The following RNF216 variants were observed in gnomAD, a reference collection of about 807,000 sequenced individuals.
The protein encoded by RNF216 is ring finger protein 216, also known as E3 ubiquitin-protein ligase RNF216.
RNF216 carries 72 observed loss-of-function variants against 110.8 expected under a neutral mutation model. That is an observed-to-expected ratio of 0.65 (90% CI 0.54 to 0.79). The LOEUF (loss-of-function observed/expected upper bound fraction) is 0.79. Among genes scored for constraint, RNF216 ranks in the 30% least tolerant of loss-of-function variants. The pLI is 0.00. For missense variants in RNF216, 1,342 were observed against 1,141.2 expected, an observed-to-expected ratio of 1.18 and a Z score of -2.54; for synonymous variants, 495 against 407.5, an observed-to-expected ratio of 1.21 and a Z score of -2.59.
intron 13 of RNF216, among the ~76,000 whole-genome samples, chr7:5,669,931 CTT>C (rs546531281): frequency 9.1e-5 from 13 of 143,266 alleles, no homozygotes; most frequent in Non-Finnish European, 1.1e-4. Flanking sequence ...TTTGGAAATC[CTT>C]TTTTTTTTTT....
intron 3 of RNF216, among the ~76,000 whole-genome samples, chr7:5,742,697 G>C (rs1024072197): frequency 2.1e-5 from 3 of 141,502 alleles, no homozygotes; most frequent in East Asian, 2.2e-4. Context: ...CCAGGTTCAA[G>C]CAATTATCCT....
intron 13 of RNF216, among the ~76,000 whole-genome samples, chr7:5,655,459 G>C (rs1028201130): frequency 6.6e-6 from 1 of 152,116 alleles, no homozygotes; most frequent in African/African-American, 2.4e-5. Context: ...TTAGCTGGAC[G>C]TGGTGGCAAA....
At chr7:5,776,878 G>C (rs1796809396) in intron 1 of RNF216, among the ~76,000 whole-genome samples, 1 of 133,328 alleles carries the variant, frequency 7.5e-6, no homozygotes, top group African/African-American at 2.8e-5. Context: ...TCCAGCCTGT[G>C]CGACAGAGGG....
intron 14 of RNF216, among the ~76,000 whole-genome samples, chr7:5,646,864 G>A (rs1788080847): frequency 6.6e-6 from 1 of 152,084 alleles, no homozygotes; most frequent in South Asian, 2.1e-4. Context: ...ACTCAGCCAG[G>A]TCATCTGTAA....
chr7:5,731,640 G>T (rs966358540), intron 5 of RNF216, among the ~76,000 whole-genome samples: 1 of 151,360 alleles, frequency 6.6e-6, no homozygotes, highest in Non-Finnish European at 1.5e-5. Flanking sequence ...ACATTCAGTA[G>T]CAAGGAAGCT....
chr7:5,761,801 G>A (rs62455875), intron 1 of RNF216, among the ~76,000 whole-genome samples: 3 of 151,680 alleles, frequency 2.0e-5, no homozygotes. Flanking sequence ...AAAAAAAAAG[G>A]AATTATGTTT....
At chr7:5,778,998 C>T (rs1225734114) in intron 1 of RNF216, among the ~76,000 whole-genome samples, 1 of 152,364 alleles carries the variant, frequency 6.6e-6, no homozygotes, top group Non-Finnish European at 1.5e-5. Flanking sequence ...CCCGCCTCGG[C>T]CTCCCAAAGT....
At chr7:5,711,292 CAAAT>C (rs1304631711) in intron 13 of RNF216, among the ~76,000 whole-genome samples, 1 of 152,168 alleles carries the variant, frequency 6.6e-6, no homozygotes, top group African/African-American at 2.4e-5. Flanking sequence ...GAGAAACAGT[CAAAT>C]AAATAACCTA....
rs1786574492 is a variant in RNF216 at position 5,624,292 on chromosome 7, G to A, written c.2383-167C>T. Among the ~76,000 whole-genome samples the A allele has an allele frequency of 6.6e-6, 1 of 152,220 alleles. No homozygotes were observed. Among genetic ancestry groups the A allele is most frequent in the South Asian group, 2.1e-4 (1 of 4,836 alleles). The stretch of plus-strand genomic sequence containing the variant: ...CACCGTTCCTTCCTATTTCCCCGAA[G>A]GCCTCCTTCCTTCATCAGCCTGATG... On this transcript the variant is annotated intron_variant, in intron 15 of 16. Coordinates refer to ENST00000389902, the MANE Select transcript of RNF216 (RefSeq NM_207111.4). The surrounding 1 kb of genome is among the most constrained non-coding windows in gnomAD (Gnocchi z 4.4).
At chr7:5,648,014 T>C (rs374418266) in intron 14 of RNF216, among the ~76,000 whole-genome samples, 1 of 152,242 alleles carries the variant, frequency 6.6e-6, no homozygotes, top group East Asian at 1.9e-4. Flanking sequence ...ACTGCATAGC[T>C]CTGGGTGTTT....
At chr7:5,691,701 T>A (rs1791351541) in intron 13 of RNF216, among the ~76,000 whole-genome samples, 1 of 152,262 alleles carries the variant, frequency 6.6e-6, no homozygotes, top group South Asian at 2.1e-4. Context: ...CACATGGTTC[T>A]GGCCACCCGG....
Position 5,631,668 on chromosome 7 carries a change from T to TA in RNF216, c.2383-7544dup, listed in dbSNP as rs59152032. Among the ~76,000 whole-genome samples, 138 of 147,178 alleles carry TA rather than the reference T, an allele frequency of 9.4e-4. 1 individual carries two copies. In the Middle Eastern group the frequency reaches 0.011, roughly 12 times the overall value. On this transcript the variant is annotated intron_variant, in intron 15 of 16. Coordinates refer to ENST00000389902, the MANE Select transcript of RNF216 (RefSeq NM_207111.4). ...CTCAGGGATTTGGTTCTCATCAACA[T>TA]AAAAAAAAAAATGCCATTATTTCTT...
At chr7:5,716,856 G>C in intron 9 of RNF216, 90 bp from the exon 10 acceptor site, 1 of 997,418 alleles carries the variant, frequency 1.0e-6, no homozygotes, top group Non-Finnish European at 1.5e-6. Flanking sequence ...CATAACTCCA[G>C]TATTGCGATC....
chr7:5,726,750 T>G (rs777568305), intron 7 of RNF216, among the ~76,000 whole-genome samples: 2 of 151,772 alleles, frequency 1.3e-5, no homozygotes, highest in African/African-American at 4.8e-5. Context: ...TCCCAGCTAC[T>G]TGGGGGGCTA....
At chr7:5,712,196 C>T (rs1027733259) in intron 12 of RNF216, among the ~76,000 whole-genome samples, 1 of 152,210 alleles carries the variant, frequency 6.6e-6, no homozygotes, top group Non-Finnish European at 1.5e-5. Context: ...GTTTGAGCTA[C>T]AGTCTGGGCG....
At chr7:5,644,250 G>A (rs577536036) in intron 14 of RNF216, among the ~76,000 whole-genome samples, 1 of 152,188 alleles carries the variant, frequency 6.6e-6, no homozygotes, top group East Asian at 1.9e-4. Context: ...ACTTATTGGG[G>A]AAAGCCAACT....
intron 13 of RNF216, 64 bp from the exon 14 acceptor site, chr7:5,652,574 C>T: frequency 9.6e-7 from 1 of 1,042,140 alleles, no homozygotes; most frequent in Non-Finnish European, 1.5e-6. Context: ...AGTTCCTGTT[C>T]AACAAAAGGG....
rs1786566795 is a variant in RNF216 at position 5,624,181 on chromosome 7, C to T, written c.2383-56G>A. 1.3e-6 allele frequency: 2 copies of T among 1,493,074 alleles called. No individual in the cohort carries two copies. Among genetic ancestry groups the T allele is most frequent in the African/African-American group, 2.7e-5 (2 of 72,790 alleles). 92.5% of individuals were successfully genotyped at this position (1,493,074 alleles called of 1,614,324 possible). The stretch of plus-strand genomic sequence containing the variant: ...TGTAGCTTCATGCAGTGCTGAGGCC[C>T]CGTGGGACAGTGAGGAGGCCGCTTG... On this transcript the variant is annotated intron_variant, in intron 15 of 16. Transcript: ENST00000389902. This position sits in a 1 kb window ranked among gnomAD's most constrained non-coding sequence, Gnocchi z 4.4.
intron 8 of RNF216, among the ~76,000 whole-genome samples, chr7:5,723,891 G>C (rs1172347684): frequency 6.6e-6 from 1 of 152,170 alleles, no homozygotes; most frequent in African/African-American, 2.4e-5. Flanking sequence ...AAAAGGCTAA[G>C]TGTGAGTCAT....
Sources: gnomAD v4.1 joint callset for allele counts (sites outside exome capture counted in the v4.1 genomes callset) on GRCh38, gnomAD v4.1.1 for gene constraint, Gnocchi (gnomAD v3.1) non-coding constraint, MANE v1.5 for transcripts, NCBI Gene and HGNC (gene_info 2026-07-23, HGNC 2026-07-21) for gene names.